Variants in CASK observed in about 807,000 individuals in gnomAD.
CASK encodes calcium/calmodulin dependent serine protein kinase, also known as peripheral plasma membrane protein CASK.
In CASK, 4 loss-of-function variants were observed where a neutral mutation model predicts 82.9. The observed-to-expected ratio is 0.05, with a 90% confidence interval of 0.02 to 0.11. CASK has a LOEUF of 0.11. CASK is among the 10% of genes least tolerant of loss of function. The pLI, the probability that CASK is intolerant of heterozygous loss-of-function variation, is 1.00. For synonymous variants in CASK, 259 were observed against 253.5 expected (o/e 1.02, Z -0.20); for missense variants, 358 against 720.9 (o/e 0.50, Z 5.76).
At chrX:41,621,649 G>A (rs2066290230) in intron 11 of CASK, among the ~76,000 whole-genome samples, 1 of 111,865 alleles carries the variant, frequency 8.9e-6, no homozygotes, top group East Asian at 2.8e-4. Context: ...CAGGAACTGT[G>A]AGATGACAAC....
At chrX:41,856,299 A>G (rs1398252510) in intron 1 of CASK, among the ~76,000 whole-genome samples, 1 of 111,643 alleles carries the variant, frequency 9.0e-6, no homozygotes, top group African/African-American at 3.3e-5. Context: ...AGAGGAGATA[A>G]TAGTAATAAT....
At chrX:41,712,997 G>A (rs772609229) in intron 5 of CASK, among the ~76,000 whole-genome samples, 2 of 111,396 alleles carry the variant, frequency 1.8e-5, no homozygotes, top group African/African-American at 3.3e-5. Flanking sequence ...TCTGATCCCC[G>A]AGTCTTCTGG....
intron 1 of CASK, among the ~76,000 whole-genome samples, chrX:41,879,678 C>T (rs918676187): frequency 9.0e-6 from 1 of 111,611 alleles, no homozygotes; most frequent in Non-Finnish European, 1.9e-5. Flanking sequence ...TAAAAGTATT[C>T]GTAAGCATTC....
intron 2 of CASK, among the ~76,000 whole-genome samples, chrX:41,798,377 C>G (rs1001758237): frequency 8.9e-6 from 1 of 112,582 alleles, no homozygotes; most frequent in African/African-American, 3.2e-5. Flanking sequence ...TTTAATGTGT[C>G]TAACAACAAT....
chrX:41,623,545 G>A (rs1330464737), intron 10 of CASK, among the ~76,000 whole-genome samples: 1 of 110,909 alleles, frequency 9.0e-6, no homozygotes, highest in South Asian at 3.8e-4. Context: ...GCCTCAGGTG[G>A]ATTACAGGCG....
chrX:41,566,835 C>G, intron 16 of CASK, among the ~76,000 whole-genome samples: 1 of 111,795 alleles, frequency 8.9e-6, no homozygotes, highest in Non-Finnish European at 1.9e-5. Flanking sequence ...TGACTTCAAA[C>G]TATACTATGA....
At chrX:41,553,668 C>A in intron 21 of CASK, 51 bp downstream of exon 21, 1 of 945,822 alleles carries the variant, frequency 1.1e-6, no homozygotes, top group South Asian at 2.1e-5. Flanking sequence ...AATGGATGGT[C>A]AGGGCTTTGT....
At chrX:41,669,302 T>C (rs2067162901) in intron 6 of CASK, among the ~76,000 whole-genome samples, 1 of 110,581 alleles carries the variant, frequency 9.0e-6, no homozygotes, top group South Asian at 3.8e-4. Flanking sequence ...ACAATTTAGG[T>C]GAAAGGTTCA....
chrX:41,672,486 C>A (rs1330746088), intron 5 of CASK, among the ~76,000 whole-genome samples: 1 of 111,419 alleles, frequency 9.0e-6, no homozygotes, highest in Non-Finnish European at 1.9e-5. Flanking sequence ...TCTCTTTAGT[C>A]ATAGAAGACA....
intron 3 of CASK, among the ~76,000 whole-genome samples, chrX:41,783,095 G>A (rs554765376): frequency 1.3e-4 from 15 of 111,856 alleles, no homozygotes; most frequent in Non-Finnish European, 2.3e-4. Context: ...AGTGAGCCAA[G>A]ATGGCGCCAC....
intron 2 of CASK, among the ~76,000 whole-genome samples, chrX:41,830,681 G>C (rs932064429): frequency 1.9e-5 from 2 of 107,877 alleles, no homozygotes; most frequent in South Asian, 4.2e-4. Flanking sequence ...TTAGCCGGGC[G>C]TGGTGGCGGG....
chrX:41,520,723 G>A (rs184687607), intron 26 of CASK, 127 bp from the exon 27 acceptor site: 1 of 591,700 alleles, frequency 1.7e-6, no homozygotes, highest in Admixed American at 2.4e-5. Flanking sequence ...AACAGTCAAG[G>A]CCAGACCCTG....
chrX:41,724,764 C>G (rs919767362), intron 5 of CASK, among the ~76,000 whole-genome samples: 1 of 111,720 alleles, frequency 9.0e-6, no homozygotes, highest in African/African-American at 3.3e-5. Flanking sequence ...TCTGATAAAG[C>G]TAGCCTCTGC....
chrX:41,865,222 A>T (rs1248189608), intron 1 of CASK, among the ~76,000 whole-genome samples: 1 of 111,697 alleles, frequency 9.0e-6, no homozygotes, highest in African/African-American at 3.3e-5. Context: ...CACACAAGAG[A>T]GCATGGAAGA....
intron 2 of CASK, among the ~76,000 whole-genome samples, chrX:41,811,786 C>T (rs1359991310): frequency 4.0e-4 from 45 of 111,426 alleles, no homozygotes; most frequent in Non-Finnish European, 4.5e-4. Context: ...TTCAAAAAAT[C>T]AATGAATCCA....
At chrX:41,811,847 C>G (rs1343710763) in intron 2 of CASK, among the ~76,000 whole-genome samples, 2 of 111,086 alleles carry the variant, frequency 1.8e-5, no homozygotes, top group East Asian at 5.6e-4. Context: ...GCTAGCAAGA[C>G]TAATAAAGAA....
At chrX:41,597,411 A>C (rs1302277593) in intron 12 of CASK, among the ~76,000 whole-genome samples, 1 of 112,669 alleles carries the variant, frequency 8.9e-6, no homozygotes, top group Non-Finnish European at 1.9e-5. Flanking sequence ...AAAAGAATGA[A>C]AGTTTGCAAG....
chrX:41,644,361 A>G (rs1175258773), intron 8 of CASK, among the ~76,000 whole-genome samples: 6 of 112,364 alleles, frequency 5.3e-5, no homozygotes, highest in Non-Finnish European at 1.1e-4. Flanking sequence ...TCTTTACTGC[A>G]ATCTTTAAAC....
At chrX:41,795,095 G>GT (rs1235630197) in intron 2 of CASK, among the ~76,000 whole-genome samples, 7 of 110,671 alleles carry the variant, frequency 6.3e-5, no homozygotes, top group Middle Eastern at 4.7e-3. Context: ...ATTATCTGAG[G>GT]TTTTTTTTTC....
Sources: allele counts gnomAD v4.1 joint callset (sites outside exome capture counted in the v4.1 genomes callset), GRCh38; gene constraint gnomAD v4.1.1; transcripts MANE v1.5; gene names NCBI Gene and HGNC (gene_info 2026-07-23, HGNC 2026-07-21).